SORL1: variants seen among roughly 807,000 people sequenced by gnomAD.
The protein encoded by SORL1 is sortilin related receptor 1, also known as sortilin-related receptor.
Under a neutral mutation model 273.7 loss-of-function variants are expected in SORL1, and 127 were observed. The observed-to-expected ratio is 0.46, with a 90% confidence interval of 0.40 to 0.54. The LOEUF (loss-of-function observed/expected upper bound fraction) is 0.54. Ranked by LOEUF, SORL1 falls within the 20% of genes least tolerant of loss-of-function variation. The probability of loss-of-function intolerance (pLI) is 0.00; values close to 1 mark genes in which losing one functional copy is unlikely to be tolerated. For missense variants in SORL1, 2,494 were observed against 2,846.1 expected (o/e 0.88, Z 2.81); for synonymous variants, 1,031 against 1,067.4 (o/e 0.97, Z 0.66).
chr11:121,587,417 A>G (rs1207946389), intron 27 of SORL1, among the ~76,000 whole-genome samples: 2 of 152,208 alleles, frequency 1.3e-5, no homozygotes, highest in Admixed American at 6.5e-5. Flanking sequence ...GTGTCCTCAC[A>G]TGGCCCTTTC....
intron 31 of SORL1, among the ~76,000 whole-genome samples, chr11:121,593,028 G>GTCT (rs1381973977): frequency 1.3e-5 from 2 of 152,156 alleles, no homozygotes; most frequent in Non-Finnish European, 1.5e-5. Flanking sequence ...TAGTGTAGAA[G>GTCT]TCTTCTAACT....
chr11:121,550,048 G>T lies in SORL1; in HGVS notation c.2140G>T (p.Val714Leu). The T allele has an allele frequency of 6.2e-7, 1 of 1,613,758 alleles. No individual in the cohort carries two copies. Among genetic ancestry groups the T allele is most frequent in the South Asian group, 1.1e-5 (1 of 91,076 alleles). The change falls in exon 15 of 48, where the codon GTG becomes TTG. Residue 714 changes from valine to leucine, a missense_variant. By Grantham distance (32) the Val-to-Leu change is conservative. Coordinates refer to ENST00000260197, the MANE Select transcript of SORL1 (RefSeq NM_003105.6). This position sits in a 1 kb window ranked among gnomAD's most constrained non-coding sequence, Gnocchi z 5.3. Reference protein sequence around the residue: ...EFSGKSYSPPVPCPVGSTYRR... With the variant: ...EFSGKSYSPPLPCPVGSTYRR... The stretch of plus-strand genomic sequence containing the variant: ...TTCTGGAAAGTCATACTCCCCTCCT[G>T]TGCCTTGCCCTGTGGGTTCTACTTA...
intron 31 of SORL1, among the ~76,000 whole-genome samples, chr11:121,593,218 A>C (rs1235533635): frequency 1.3e-5 from 2 of 152,092 alleles, no homozygotes; most frequent in Non-Finnish European, 2.9e-5. Context: ...GTCTCCATGT[A>C]CCTTGTGTTT....
intron 3 of SORL1, among the ~76,000 whole-genome samples, chr11:121,484,982 T>C (rs1476434047): frequency 6.6e-6 from 1 of 152,220 alleles, no homozygotes; most frequent in Non-Finnish European, 1.5e-5. Context: ...CTCGAACCCC[T>C]GACCTGAAGT....
chr11:121,494,728 G>A (rs1314836654), intron 5 of SORL1, among the ~76,000 whole-genome samples: 2 of 152,182 alleles, frequency 1.3e-5, no homozygotes, highest in Non-Finnish European at 2.9e-5. Flanking sequence ...GAAAGTCACA[G>A]TTCTTTCTAT....
chr11:121,571,933 T>C (rs1862850600), intron 23 of SORL1, among the ~76,000 whole-genome samples: 1 of 152,230 alleles, frequency 6.6e-6, no homozygotes, highest in Non-Finnish European at 1.5e-5. Context: ...GAAGGTGTGA[T>C]ATTTGTGGGG....
At chr11:121,471,245 T>G (rs773379049) in intron 2 of SORL1, among the ~76,000 whole-genome samples, 4 of 152,248 alleles carry the variant, frequency 2.6e-5, no homozygotes, top group Non-Finnish European at 5.9e-5. Context: ...CAGGCTCTGG[T>G]TGCCGTGCAG....
chr11:121,494,920 G>A (rs1861605632), intron 5 of SORL1, among the ~76,000 whole-genome samples: 1 of 152,132 alleles, frequency 6.6e-6, no homozygotes, highest in Non-Finnish European at 1.5e-5. Context: ...TTGTGGAAAA[G>A]AAGAGAACAT....
chr11:121,614,932 G>A lies in SORL1; in HGVS notation c.5481G>A (p.Gly1827=). 6.2e-7 allele frequency: 1 copy of A among 1,613,424 alleles called. No homozygotes were observed. The highest frequency in any genetic ancestry group is 1.1e-5 in the South Asian group (1 of 90,902). Residue 1827 remains glycine, a synonymous_variant, in exon 41 of 48, where the codon GGG becomes GGA. Transcript: ENST00000260197. The part of the protein sequence containing the change: ...EISAWAKTDL[G]DSPLAFEHVM... ...CTGCCTGGGCCAAGACTGACTTGGG[G>A]GATAGCCCTCTGGCATTTGAGCATG...
In SORL1 at chr11:121,595,735, C is replaced by T. The variant is rs962483484; in HGVS notation, c.4482C>T (p.His1494=). ...CCAACTGGAAGCGCTGTGACGGCCA[C>T]CAAGATTGCCAGGATGGCCGGGACG... is the stretch of plus-strand genomic sequence containing the variant. ...CIPNWKRCDG[H]QDCQDGRDEA... Residue 1494 remains histidine (H), a synonymous_variant, in exon 32 of 48, where the codon CAC becomes CAT. Coordinates refer to ENST00000260197, the MANE Select transcript of SORL1 (RefSeq NM_003105.6). This position sits in a 1 kb window ranked among gnomAD's most constrained non-coding sequence, Gnocchi z 5.1. 6.2e-7 allele frequency: 1 copy of T among 1,613,862 alleles called. No homozygotes were observed. Among genetic ancestry groups the T allele is most frequent in the Non-Finnish European group, 8.5e-7 (1 of 1,180,052 alleles).
chr11:121,475,177 A>G (rs1401231781), intron 2 of SORL1, among the ~76,000 whole-genome samples: 2 of 152,052 alleles, frequency 1.3e-5, no homozygotes, highest in Non-Finnish European at 2.9e-5. Flanking sequence ...GAACCTGGGA[A>G]GATTGCTTGA....
chr11:121,511,250 T>C (rs1015142797), intron 6 of SORL1, among the ~76,000 whole-genome samples: 4 of 152,190 alleles, frequency 2.6e-5, no homozygotes, highest in Non-Finnish European at 5.9e-5. Context: ...CTGTGAAATA[T>C]ATTCTTAATA....
Position 121,497,061 on chromosome 11 carries a change from G to T in SORL1, c.939+12G>T, listed in dbSNP as rs776744389. 6.2e-7 allele frequency: 1 copy of T among 1,607,754 alleles called. No homozygotes were observed. The highest frequency in any genetic ancestry group is 8.5e-7 in the Non-Finnish European group (1 of 1,177,088). On this transcript the variant is annotated intron_variant, in intron 6 of 47. Transcript: ENST00000260197. The stretch of plus-strand genomic sequence containing the variant: ...CTACAAAGGTGGTGGTAAGTTGAAT[G>T]TACTAAAGAATAAACTACTTTTGAG...
At chr11:121,542,550 A>G (rs2134885134) in intron 12 of SORL1, among the ~76,000 whole-genome samples, 1 of 152,108 alleles carries the variant, frequency 6.6e-6, no homozygotes, top group Non-Finnish European at 1.5e-5. Flanking sequence ...TACACAGAGG[A>G]TGTGTTATTC....
At chr11:121,496,741 A>G (rs1372380403) in intron 5 of SORL1, 128 bp from the exon 6 acceptor site, 2 of 711,700 alleles carry the variant, frequency 2.8e-6, no homozygotes, top group Admixed American at 5.7e-5. Context: ...TTTGAGGCAC[A>G]GAGAGTATGA....
At chr11:121,548,430 A>G (rs919827367) in intron 14 of SORL1, among the ~76,000 whole-genome samples, 11 of 152,260 alleles carry the variant, frequency 7.2e-5, no homozygotes, top group African/African-American at 2.2e-4. Flanking sequence ...TGATACAGTG[A>G]CAAAACTGCT....
chr11:121,622,336 G>A (rs1300324431), intron 45 of SORL1, 68 bp downstream of exon 45: 1 of 839,962 alleles, frequency 1.2e-6, no homozygotes. Context: ...AGATGAGCTT[G>A]TTGACAGCAT....
At chr11:121,453,458 G>A (rs564191803) in intron 1 of SORL1, among the ~76,000 whole-genome samples, 134 of 152,260 alleles carry the variant, frequency 8.8e-4, no homozygotes, top group African/African-American at 2.8e-3. Flanking sequence ...TAATTTGACC[G>A]TGTTATTGCC....
intron 29 of SORL1, among the ~76,000 whole-genome samples, chr11:121,589,835 G>A (rs1403804984): frequency 6.6e-6 from 1 of 152,200 alleles, no homozygotes. Context: ...AGGAACATGG[G>A]TTAGGGGCTG....
Sources: allele counts gnomAD v4.1 joint callset (sites outside exome capture counted in the v4.1 genomes callset), GRCh38; gene constraint gnomAD v4.1.1; non-coding constraint Gnocchi (gnomAD v3.1); transcripts MANE v1.5; gene names NCBI Gene and HGNC (gene_info 2026-07-23, HGNC 2026-07-21).